Variants in TMEM178B observed in about 807,000 individuals in gnomAD.
TMEM178B encodes transmembrane protein 178B.
A neutral mutation model predicts 31.0 loss-of-function variants in TMEM178B; 5 were observed. That is an observed-to-expected ratio of 0.16 (90% confidence interval 0.08 to 0.34). TMEM178B has a LOEUF of 0.34. Ranked by LOEUF, TMEM178B falls within the 10% of genes least tolerant of loss-of-function variation. The pLI, the probability that TMEM178B is intolerant of heterozygous loss-of-function variation, is 1.00. For synonymous variants in TMEM178B, 164 were observed against 164.0 expected, an observed-to-expected ratio of 1.00 and a Z score of 0.00; for missense variants, 275 against 400.3, an observed-to-expected ratio of 0.69 and a Z score of 2.67.
intron 2 of TMEM178B, among the ~76,000 whole-genome samples, chr7:141,390,715 T>TA (rs1800519195): frequency 6.6e-6 from 1 of 152,264 alleles, no homozygotes; most frequent in Non-Finnish European, 1.5e-5. Flanking sequence ...ACTTCCCAGT[T>TA]ACGACCTTTA....
intron 1 of TMEM178B, among the ~76,000 whole-genome samples, chr7:141,197,309 C>T (rs1796799250): frequency 6.6e-6 from 1 of 152,164 alleles, no homozygotes; most frequent in South Asian, 2.1e-4. Context: ...GATCCCATAT[C>T]TAGGGATTCT....
Position 141,074,759 on chromosome 7 carries a change from C to G in TMEM178B, c.382+67C>G. On this transcript the variant is annotated intron_variant, in intron 1 of 3. Coordinates refer to ENST00000565468, the MANE Select transcript of TMEM178B (RefSeq NM_001195278.2). This position sits in a 1 kb window ranked among gnomAD's most constrained non-coding sequence, Gnocchi z 5.1. ...CGCCTTTAGGCCCCGCAGCCCCTCG[C>G]GTCTCCTTCCCAGGCCACAGGCTAT... is the stretch of plus-strand genomic sequence containing the variant. 11 of 1,434,912 alleles carry G rather than the reference C, an allele frequency of 7.7e-6. No homozygotes were observed. In the South Asian group the frequency reaches 1.5e-4, roughly 19 times the overall value. 88.9% of individuals were successfully genotyped at this position (1,434,912 alleles called of 1,614,324 possible). A position where few individuals can be genotyped will look rare whatever the true frequency, so the allele number is the denominator to read the frequency against.
intron 1 of TMEM178B, among the ~76,000 whole-genome samples, chr7:141,138,162 C>T (rs1231871041): frequency 1.3e-5 from 2 of 151,666 alleles, no homozygotes; most frequent in Admixed American, 6.6e-5. Flanking sequence ...CCAGGGTTCA[C>T]GCCATTGTCC....
chr7:141,364,397 A>G (rs997143315), intron 2 of TMEM178B, among the ~76,000 whole-genome samples: 2 of 152,172 alleles, frequency 1.3e-5, no homozygotes, highest in East Asian at 1.9e-4. Flanking sequence ...ACGGTGGCTC[A>G]CGCCTGTAAT....
chr7:141,249,840 G>T (rs1393516744), intron 2 of TMEM178B, among the ~76,000 whole-genome samples: 1 of 152,138 alleles, frequency 6.6e-6, no homozygotes, highest in Non-Finnish European at 1.5e-5. Flanking sequence ...GAAATTCTGT[G>T]TGGCTATATT....
chr7:141,174,630 CCTGA>C (rs1403383673), intron 1 of TMEM178B, among the ~76,000 whole-genome samples: 3 of 152,142 alleles, frequency 2.0e-5, no homozygotes, highest in Non-Finnish European at 4.4e-5. Flanking sequence ...TCTGTTGTTT[CCTGA>C]CTTTTTAATG....
chr7:141,432,355 A>G (rs2116671920), intron 2 of TMEM178B, among the ~76,000 whole-genome samples: 1 of 152,010 alleles, frequency 6.6e-6, no homozygotes, highest in South Asian at 2.1e-4. Flanking sequence ...GGGTTTCACC[A>G]TGTTGGCCAG....
At chr7:141,379,914 A>C (rs1035259595) in intron 2 of TMEM178B, among the ~76,000 whole-genome samples, 3 of 152,176 alleles carry the variant, frequency 2.0e-5, no homozygotes, top group African/African-American at 7.2e-5. Flanking sequence ...AGTATATTAC[A>C]ATTCTACCAG....
intron 2 of TMEM178B, among the ~76,000 whole-genome samples, chr7:141,333,117 A>G (rs1490246680): frequency 6.6e-6 from 1 of 152,200 alleles, no homozygotes; most frequent in Non-Finnish European, 1.5e-5. Context: ...TACTTCTTCC[A>G]GATCTCAATG....
At chr7:141,432,273 A>G (rs376648515) in intron 2 of TMEM178B, among the ~76,000 whole-genome samples, 3 of 147,082 alleles carry the variant, frequency 2.0e-5, no homozygotes, top group African/African-American at 7.5e-5. Context: ...TCCCTGCCTC[A>G]GCCTCCCGAG....
intron 1 of TMEM178B, among the ~76,000 whole-genome samples, chr7:141,143,701 T>C (rs550583273): frequency 3.9e-5 from 6 of 152,134 alleles, no homozygotes; most frequent in African/African-American, 1.2e-4. Flanking sequence ...CTATTCATAC[T>C]TTTTTTTGGG....
At chr7:141,325,290 G>A (rs894135392) in intron 2 of TMEM178B, among the ~76,000 whole-genome samples, 10 of 152,074 alleles carry the variant, frequency 6.6e-5, no homozygotes, top group Admixed American at 1.3e-4. Flanking sequence ...TCTAAATGGG[G>A]GCTGTAAATC....
At chr7:141,438,472 G>A (rs942286822) in intron 3 of TMEM178B, among the ~76,000 whole-genome samples, 1 of 151,780 alleles carries the variant, frequency 6.6e-6, no homozygotes, top group Non-Finnish European at 1.5e-5. Flanking sequence ...GTCCCAAGCT[G>A]AAGTTGACCA....
chr7:141,458,030 G>A (rs1347562303), intron 3 of TMEM178B, among the ~76,000 whole-genome samples: 2 of 152,222 alleles, frequency 1.3e-5, no homozygotes, highest in African/African-American at 2.4e-5. Context: ...GGAAAGTCAA[G>A]TAGGAAGAAG....
intron 1 of TMEM178B, among the ~76,000 whole-genome samples, chr7:141,153,286 A>G (rs1201109723): frequency 6.6e-6 from 1 of 152,198 alleles, no homozygotes; most frequent in Non-Finnish European, 1.5e-5. Context: ...TCCAACGTTG[A>G]AGATTTTTTC....
At chr7:141,419,717 G>A (rs958258334) in intron 2 of TMEM178B, among the ~76,000 whole-genome samples, 1 of 152,136 alleles carries the variant, frequency 6.6e-6, no homozygotes, top group African/African-American at 2.4e-5. Flanking sequence ...CTCATTAAAA[G>A]CAGTTTAATT....
At chr7:141,509,543 A>G in the TMEM178B span, among the ~76,000 whole-genome samples, 1 of 152,170 alleles carries the variant, frequency 6.6e-6, no homozygotes, top group Non-Finnish European at 1.5e-5. Context: ...CCAGCTACTC[A>G]GGAGGCTGAG....
intron 1 of TMEM178B, among the ~76,000 whole-genome samples, chr7:141,079,807 C>A (rs1563082064): frequency 6.6e-6 from 1 of 152,048 alleles, no homozygotes; most frequent in African/African-American, 2.4e-5. Flanking sequence ...TTCATAATAA[C>A]CCTAGGAAGT....
At chr7:141,315,239 A>T (rs1345902428) in intron 2 of TMEM178B, among the ~76,000 whole-genome samples, 1 of 152,206 alleles carries the variant, frequency 6.6e-6, no homozygotes, top group Non-Finnish European at 1.5e-5. Context: ...TCTGTCAGAT[A>T]GATTAATCTT....
Sources: gnomAD v4.1 joint callset for allele counts (sites outside exome capture counted in the v4.1 genomes callset) on GRCh38, gnomAD v4.1.1 for gene constraint, Gnocchi (gnomAD v3.1) non-coding constraint, MANE v1.5 for transcripts, NCBI Gene and HGNC (gene_info 2026-07-23, HGNC 2026-07-21) for gene names.